COP1: variants seen among roughly 807,000 people sequenced by gnomAD.
The protein encoded by COP1 is COP1 E3 ubiquitin ligase.
A neutral mutation model predicts 101.3 loss-of-function variants in COP1; 24 were observed. That is an observed-to-expected ratio of 0.24 (90% CI 0.17 to 0.33). The LOEUF (loss-of-function observed/expected upper bound fraction) is 0.33. Among genes scored for constraint, COP1 ranks in the 10% least tolerant of loss-of-function variants. COP1 has a pLI of 1.00. For missense variants in COP1, 663 were observed against 906.2 expected (o/e 0.73, Z 3.45); for synonymous variants, 347 against 341.9 (o/e 1.01, Z -0.17).
rs71129549 is a variant in COP1 at position 176,078,618 on chromosome 1, CAA to C, written c.1277+2532_1277+2533del. ...ATGGCTAAGTCTTCAAAAGCAATTG[CAA>C]AAAAAAAAACAAAAATTGACAAGTG... On this transcript the variant is annotated intron_variant, in intron 11 of 19. Transcript: ENST00000367669. Among the ~76,000 whole-genome samples, 394 of 143,908 alleles carry C rather than the reference CAA, an allele frequency of 2.7e-3. 3 individuals carry two copies. Among genetic ancestry groups the C allele is most frequent in the African/African-American group, 9.8e-3 (376 of 38,506 alleles). 94.4% of individuals were successfully genotyped at this position (143,908 alleles called of 152,430 possible).
At chr1:176,083,015 C>T (rs947995159) in intron 10 of COP1, among the ~76,000 whole-genome samples, 22 of 152,126 alleles carry the variant, frequency 1.4e-4, no homozygotes, top group Non-Finnish European at 2.4e-4. Context: ...AATATCATAA[C>T]GGTATTGAGA....
intron 15 of COP1, among the ~76,000 whole-genome samples, chr1:176,012,950 A>G (rs551598724): frequency 1.3e-5 from 2 of 152,150 alleles, no homozygotes; most frequent in Non-Finnish European, 2.9e-5. Flanking sequence ...TGTAGTCCCT[A>G]GGTATCCTCG....
intron 9 of COP1, among the ~76,000 whole-genome samples, chr1:176,098,305 T>C (rs1330212963): frequency 6.6e-6 from 1 of 152,220 alleles, no homozygotes; most frequent in Non-Finnish European, 1.5e-5. Context: ...TAATATGTAA[T>C]TGAAACTATT....
intron 1 of COP1, among the ~76,000 whole-genome samples, chr1:176,196,303 CAAT>C (rs1176168569): frequency 3.3e-5 from 5 of 151,722 alleles, no homozygotes; most frequent in Admixed American, 1.3e-4. Context: ...TATAGAAAAT[CAAT>C]AATATGAAAG....
chr1:176,173,742 C>T (rs1310565833), intron 3 of COP1, among the ~76,000 whole-genome samples: 2 of 151,596 alleles, frequency 1.3e-5, no homozygotes, highest in African/African-American at 4.8e-5. Flanking sequence ...AGTCCCAGCA[C>T]TTTGGGAGGC....
intron 3 of COP1, among the ~76,000 whole-genome samples, chr1:176,174,856 T>C (rs1292848770): frequency 6.6e-6 from 1 of 152,236 alleles, no homozygotes. Flanking sequence ...CTGAAAATTA[T>C]TCTTTAGCTT....
intron 3 of COP1, 93 bp downstream of exon 3, chr1:176,175,817 A>G: frequency 1.5e-6 from 1 of 653,850 alleles, no homozygotes; most frequent in Non-Finnish European, 2.7e-6. Context: ...AGACTTGCTT[A>G]CCACTAAGGT....
chr1:176,042,761 A>G (rs1670849015), intron 14 of COP1, among the ~76,000 whole-genome samples: 1 of 145,868 alleles, frequency 6.9e-6, no homozygotes, highest in African/African-American at 2.5e-5. Context: ...AAAGTGGCTC[A>G]CATCTGTAAT....
rs573752251 is a variant in COP1 at position 176,173,491 on chromosome 1, A to G, written c.565+2419T>C. Reference sequence around the variant, plus strand: ...TCTCTACAAAAACAAACAAACAAAAATAGCCAGGTATGGTGGCGCATGTCT... The same window carrying G: ...TCTCTACAAAAACAAACAAACAAAAGTAGCCAGGTATGGTGGCGCATGTCT... On this transcript the variant is annotated intron_variant, in intron 3 of 19. Transcript: ENST00000367669. 2.6e-5 allele frequency among the ~76,000 whole-genome samples: 4 copies of G among 151,290 alleles called. No individual in the cohort carries two copies. In the East Asian group the frequency reaches 6.0e-4, roughly 23 times the overall value.
chr1:176,028,695 T>TAATATATATATATATA (rs1668109247), intron 14 of COP1, among the ~76,000 whole-genome samples: 1 of 13,386 alleles, frequency 7.5e-5, no homozygotes, highest in African/African-American at 2.4e-4. Context: ...TATATTTGTT[T>TAATATATATATATATA]CATATATATA....
intron 15 of COP1, among the ~76,000 whole-genome samples, chr1:175,991,833 GAA>G (rs1658567656): frequency 6.6e-6 from 1 of 152,178 alleles, no homozygotes; most frequent in African/African-American, 2.4e-5. Context: ...TTGTCTCACT[GAA>G]AAGTCTTCAA....
intron 15 of COP1, among the ~76,000 whole-genome samples, chr1:176,014,747 T>C (rs2148976877): frequency 6.6e-6 from 1 of 152,266 alleles, no homozygotes; most frequent in South Asian, 2.1e-4. Context: ...TGTGTGTATG[T>C]ATACATACAT....
chr1:176,172,976 A>T (rs560568940), intron 3 of COP1, among the ~76,000 whole-genome samples: 1 of 152,328 alleles, frequency 6.6e-6, no homozygotes, highest in East Asian at 1.9e-4. Context: ...TCCCACTGAA[A>T]GCTGCACTAG....
At chr1:175,961,050 C>G (rs1393066051) in intron 18 of COP1, among the ~76,000 whole-genome samples, 1 of 152,208 alleles carries the variant, frequency 6.6e-6, no homozygotes, top group African/African-American at 2.4e-5. Flanking sequence ...TTCTCCTGGC[C>G]TTGGCCATCA....
In COP1 at chr1:175,972,805, C is replaced by T. The variant is rs142130928; in HGVS notation, c.2133+14138G>A. On this transcript the variant is annotated intron_variant, in intron 18 of 19. Coordinates refer to ENST00000367669, the MANE Select transcript of COP1 (RefSeq NM_022457.7). ...TTTCTAGCCTCAGGAAGCTTTTTAG[C>T]TCATTGAGAATAACTGCACATAAGC... 3.5e-3 allele frequency among the ~76,000 whole-genome samples: 537 copies of T among 152,178 alleles called. 4 individuals carry two copies. Among genetic ancestry groups the T allele is most frequent in the South Asian group, 0.018 (88 of 4,820 alleles).
chr1:176,025,862 C>T (rs958037621), intron 15 of COP1, among the ~76,000 whole-genome samples: 42 of 151,994 alleles, frequency 2.8e-4, no homozygotes, highest in African/African-American at 9.6e-4. Flanking sequence ...TGTACTCAAC[C>T]TGGGTGACCC....
At chr1:175,964,573 G>T (rs928801285) in intron 18 of COP1, among the ~76,000 whole-genome samples, 1 of 152,202 alleles carries the variant, frequency 6.6e-6, no homozygotes, top group African/African-American at 2.4e-5. Flanking sequence ...GGCTAGCAAA[G>T]TTATAAGCAG....
At position 175,993,876 on chromosome 1, in the gene COP1, T is replaced by G. The variant is rs544378944; in HGVS notation, c.1730-4397A>C. On this transcript the variant is annotated intron_variant, in intron 15 of 19. Coordinates refer to ENST00000367669, the MANE Select transcript of COP1 (RefSeq NM_022457.7). ...CTAGCAAGGCAGGCCAACTTTCAGA[T>G]TCAGGAAATATAGAGAACGCCACAA... Among the ~76,000 whole-genome samples, 383 of 152,218 alleles carry G rather than the reference T, an allele frequency of 2.5e-3. 1 individual carries two copies. The highest frequency in any genetic ancestry group is 3.7e-3 in the Non-Finnish European group (249 of 68,010).
chr1:175,981,941 G>A (rs554030962), intron 18 of COP1, among the ~76,000 whole-genome samples: 11 of 152,138 alleles, frequency 7.2e-5, no homozygotes, highest in African/African-American at 1.7e-4. Context: ...ATGAGGTATC[G>A]CCTCACAACT....
Sources: allele counts gnomAD v4.1 joint callset (sites outside exome capture counted in the v4.1 genomes callset), GRCh38; gene constraint gnomAD v4.1.1; transcripts MANE v1.5; gene names NCBI Gene and HGNC (gene_info 2026-07-23, HGNC 2026-07-21).